KAZN: variants seen among roughly 807,000 people sequenced by gnomAD.
The protein encoded by KAZN is kazrin, periplakin interacting protein, also known as kazrin.
Under a neutral mutation model 87.4 loss-of-function variants are expected in KAZN, and 40 were observed. The observed-to-expected ratio is 0.46, with a 90% CI of 0.36 to 0.60. The LOEUF is 0.60. Among genes scored for constraint, KAZN ranks in the 20% least tolerant of loss-of-function variants. The probability of loss-of-function intolerance (pLI) is 0.00; values close to 1 mark genes in which losing one functional copy is unlikely to be tolerated. For missense variants in KAZN, 898 were observed against 1,073.9 expected, an observed-to-expected ratio of 0.84 and a Z score of 2.29; for synonymous variants, 466 against 458.3, an observed-to-expected ratio of 1.02 and a Z score of -0.22.
At chr1:14,841,540 A>G (rs1648017583) in intron 1 of KAZN, among the ~76,000 whole-genome samples, 2 of 151,766 alleles carry the variant, frequency 1.3e-5, no homozygotes, top group Admixed American at 1.3e-4. Flanking sequence ...ACTTTTTTAA[A>G]TCCCTGGAGC....
chr1:15,109,746 T>A (rs909231203), intron 13 of KAZN, among the ~76,000 whole-genome samples: 2 of 147,356 alleles, frequency 1.4e-5, no homozygotes, highest in Admixed American at 6.8e-5. Flanking sequence ...TGTGTGTTTG[T>A]GTTTGTATGT....
intron 1 of KAZN, among the ~76,000 whole-genome samples, chr1:14,953,378 G>T (rs916000480): frequency 6.6e-5 from 10 of 152,246 alleles, no homozygotes; most frequent in Non-Finnish European, 1.0e-4. Flanking sequence ...CTTTTGGAAG[G>T]TGGTAGTGTG....
At chr1:14,824,552 C>T (rs567374552) in intron 1 of KAZN, among the ~76,000 whole-genome samples, 16 of 152,270 alleles carry the variant, frequency 1.1e-4, no homozygotes, top group Middle Eastern at 3.4e-3. Flanking sequence ...GTCCAAGGAG[C>T]GACGCTTGCA....
intron 1 of KAZN, among the ~76,000 whole-genome samples, chr1:14,797,400 A>C (rs1645862386): frequency 1.3e-5 from 2 of 152,210 alleles, no homozygotes; most frequent in Non-Finnish European, 2.9e-5. Context: ...TTGTCCAAGA[A>C]GCGCTAACTG....
At chr1:14,575,941 C>G (rs756441931) in intron 2 of KAZN, among the ~76,000 whole-genome samples, 11 of 152,080 alleles carry the variant, frequency 7.2e-5, no homozygotes, top group Non-Finnish European at 1.6e-4. Flanking sequence ...AAAATGCATC[C>G]CCTTAGGTGA....
At chr1:15,103,824 G>A (rs3817993) in intron 12 of KAZN, among the ~76,000 whole-genome samples, 199 bp from the exon 13 acceptor site, 1 of 152,128 alleles carries the variant, frequency 6.6e-6, no homozygotes, top group Non-Finnish European at 1.5e-5. Flanking sequence ...CTAGGGTCAG[G>A]GACCATCTCA....
intron 1 of KAZN, among the ~76,000 whole-genome samples, chr1:14,136,657 C>T (rs904102187): frequency 2.6e-5 from 4 of 151,926 alleles, no homozygotes; most frequent in African/African-American, 9.7e-5. Flanking sequence ...ATAACTAACC[C>T]AGGAGGGAGG....
intron 1 of KAZN, among the ~76,000 whole-genome samples, chr1:14,730,009 G>C (rs1487786836): frequency 2.0e-5 from 3 of 152,194 alleles, no homozygotes; most frequent in Non-Finnish European, 2.9e-5. Flanking sequence ...GACAGAGGCT[G>C]CATGTGGCCT....
intron 2 of KAZN, among the ~76,000 whole-genome samples, chr1:14,502,752 A>T (rs754198683): frequency 5.9e-5 from 9 of 152,202 alleles, no homozygotes; most frequent in Admixed American, 1.3e-4. Context: ...AGCAACAGAA[A>T]AAGTAAAATA....
rs1046737994 is a variant in KAZN at position 14,501,105 on chromosome 1, A to C, written c.250-97878A>C. Among the ~76,000 whole-genome samples the C allele has an allele frequency of 1.4e-5, 2 of 147,902 alleles. 1 individual carries two copies. Among genetic ancestry groups the C allele is most frequent in the African/African-American group, 5.0e-5 (2 of 40,150 alleles). ...AAAATAAATAAATAAATAAATAAAT[A>C]AATAAATAAATAAATAAATAAATAA... On this transcript the variant is annotated intron_variant, in intron 2 of 16. Coordinates refer to the KAZN transcript ENST00000636203.
intron 8 of KAZN, among the ~76,000 whole-genome samples, chr1:15,076,275 G>A (rs1473001073): frequency 1.3e-5 from 2 of 152,186 alleles, no homozygotes; most frequent in African/African-American, 4.8e-5. Context: ...CAAATTCCTT[G>A]CATCTTTTCA....
At chr1:14,139,386 T>C (rs1645183010) in intron 1 of KAZN, among the ~76,000 whole-genome samples, 1 of 152,232 alleles carries the variant, frequency 6.6e-6, no homozygotes, top group African/African-American at 2.4e-5. Flanking sequence ...AATCCATGTC[T>C]TAAGCCTCCA....
At chr1:14,697,038 C>G (rs1384684007) in intron 1 of KAZN, among the ~76,000 whole-genome samples, 1 of 151,846 alleles carries the variant, frequency 6.6e-6, no homozygotes, top group Admixed American at 6.6e-5. Flanking sequence ...CGGCTGTAAC[C>G]CCAGCACTTT....
At chr1:14,467,541 C>T (rs1464386643) in intron 2 of KAZN, among the ~76,000 whole-genome samples, 2 of 151,786 alleles carry the variant, frequency 1.3e-5, no homozygotes, top group Non-Finnish European at 2.9e-5. Flanking sequence ...GAAAGATTAG[C>T]AGAGTGGCTT....
rs1049875480 is a variant in KAZN at position 14,573,348 on chromosome 1, A to G, written c.250-25635A>G. On this transcript the variant is annotated intron_variant, in intron 2 of 16. Transcript: ENST00000636203. Reference sequence around the variant, plus strand: ...ATACACCTCTTTTCTACAAAATGGAAGCATTAGAATACACTAAAACCCGGG... The same window carrying G: ...ATACACCTCTTTTCTACAAAATGGAGGCATTAGAATACACTAAAACCCGGG... Among the ~76,000 whole-genome samples the G allele has an allele frequency of 5.3e-5, 8 of 152,212 alleles. No homozygotes were observed. In the East Asian group the frequency reaches 1.5e-3, roughly 29 times the overall value.
chr1:14,569,067 T>G (rs1171499480), intron 2 of KAZN, among the ~76,000 whole-genome samples: 1 of 152,212 alleles, frequency 6.6e-6, no homozygotes, highest in Non-Finnish European at 1.5e-5. Context: ...AAGTATTTGC[T>G]CATGTCCCAG....
intron 1 of KAZN, among the ~76,000 whole-genome samples, chr1:14,172,851 C>T (rs1645984387): frequency 6.6e-6 from 1 of 152,208 alleles, no homozygotes; most frequent in Non-Finnish European, 1.5e-5. Context: ...GGCACCTGGG[C>T]TGGATGGTTA....
chr1:14,073,949 G>A (rs141184337), intron 1 of KAZN, among the ~76,000 whole-genome samples: 9 of 152,118 alleles, frequency 5.9e-5, no homozygotes, highest in Middle Eastern at 3.4e-3. Context: ...GGTATTTCTG[G>A]TTTTATCTTT....
At chr1:14,447,208 C>CATCATCATTATT (rs1438327123) in intron 2 of KAZN, among the ~76,000 whole-genome samples, 9 of 131,182 alleles carry the variant, frequency 6.9e-5, no homozygotes, top group Non-Finnish European at 1.4e-4. Context: ...GTTTCCACCA[C>CATCATCATTATT]ATTATTATTA....
Sources: allele counts gnomAD v4.1 joint callset (sites outside exome capture counted in the v4.1 genomes callset), GRCh38; gene constraint gnomAD v4.1.1; transcripts MANE v1.5; gene names NCBI Gene and HGNC (gene_info 2026-07-23, HGNC 2026-07-21).